The following CACNA2D1 variants were observed in gnomAD, a reference collection of about 807,000 sequenced individuals.
The protein encoded by CACNA2D1 is calcium voltage-gated channel auxiliary subunit alpha2delta 1.
In CACNA2D1, 53 loss-of-function variants were observed where a neutral mutation model predicts 171.5. That is an observed-to-expected ratio of 0.31 (90% CI 0.25 to 0.39). The LOEUF (loss-of-function observed/expected upper bound fraction) is 0.39. Among genes scored for constraint, CACNA2D1 ranks in the 10% least tolerant of loss-of-function variants. The pLI, the probability that CACNA2D1 is intolerant of heterozygous loss-of-function variation, is 1.00. For missense variants in CACNA2D1, 903 were observed against 1,299.8 expected (o/e 0.69, Z 4.69); for synonymous variants, 442 against 443.1 (o/e 1.00, Z 0.03).
intron 18 of CACNA2D1, among the ~76,000 whole-genome samples, chr7:82,003,857 T>G (rs1413853027): frequency 2.0e-5 from 3 of 151,718 alleles, no homozygotes; most frequent in African/African-American, 7.3e-5. Flanking sequence ...AGATTCTCCC[T>G]GACTCAGCCT....
rs1554495189 is a variant in CACNA2D1 at position 82,282,706 on chromosome 7, G to GGGA, written c.294+52428_294+52429insTCC. Among the ~76,000 whole-genome samples the GGGA allele has an allele frequency of 6.0e-5, 9 of 149,282 alleles. 1 individual carries two copies. Among genetic ancestry groups the GGGA allele is most frequent in the African/African-American group, 2.2e-4 (9 of 40,190 alleles). ...TGTGTAAATAAAATTGTAAAATGTG[G>GGGA]GGGGGGGAATCACAGAGGGTTATCT... is the stretch of plus-strand genomic sequence containing the variant. On this transcript the variant is annotated intron_variant, in intron 3 of 38. Coordinates refer to ENST00000356860, the MANE Select transcript of CACNA2D1 (RefSeq NM_000722.4).
intron 4 of CACNA2D1, among the ~76,000 whole-genome samples, chr7:82,145,842 T>A (rs1792973529): frequency 6.6e-6 from 1 of 151,214 alleles, no homozygotes; most frequent in South Asian, 2.1e-4. Context: ...ATAATCTACA[T>A]TAAAATATAA....
rs539015872 is a variant in CACNA2D1 at position 82,123,837 on chromosome 7, A to G, written c.397-6664T>C. Among the ~76,000 whole-genome samples, 4 of 152,326 alleles carry G rather than the reference A, an allele frequency of 2.6e-5. 1 individual carries two copies. Among genetic ancestry groups the G allele is most frequent in the African/African-American group, 9.6e-5 (4 of 41,570 alleles). On this transcript the variant is annotated intron_variant, in intron 5 of 38. Coordinates refer to ENST00000356860, the MANE Select transcript of CACNA2D1 (RefSeq NM_000722.4). ...TAGTAATAGCTAGTATATATTATAC[A>G]TACTTATTCTATACTAGGTAGTAAA... is the stretch of plus-strand genomic sequence containing the variant.
chr7:82,059,654 T>C (rs1000076540), intron 10 of CACNA2D1, among the ~76,000 whole-genome samples: 2 of 151,980 alleles, frequency 1.3e-5, no homozygotes, highest in East Asian at 3.9e-4. Context: ...TAACCAGGGA[T>C]AAATTCTTAG....
chr7:82,013,415 C>A, intron 14 of CACNA2D1, 46 bp downstream of exon 14: 1 of 858,508 alleles, frequency 1.2e-6, no homozygotes, highest in Non-Finnish European at 1.7e-6. Flanking sequence ...AGAAAAATAT[C>A]TTTTACTTGA....
chr7:82,442,447 T>C (rs1037665544), intron 1 of CACNA2D1, among the ~76,000 whole-genome samples: 1 of 152,208 alleles, frequency 6.6e-6, no homozygotes, highest in African/African-American at 2.4e-5. Flanking sequence ...GGATAGGCTA[T>C]TCGGTGCATT....
At chr7:82,257,663 G>T (rs1585241496) in intron 3 of CACNA2D1, among the ~76,000 whole-genome samples, 1 of 152,236 alleles carries the variant, frequency 6.6e-6, no homozygotes, top group South Asian at 2.1e-4. Context: ...CTCCTTTTGT[G>T]GTGTTATAAT....
intron 32 of CACNA2D1, among the ~76,000 whole-genome samples, chr7:81,964,745 T>C (rs895998934): frequency 7.9e-5 from 12 of 151,910 alleles, no homozygotes; most frequent in African/African-American, 2.9e-4. Context: ...CAGAGGACTG[T>C]AGTTAATAAT....
intron 4 of CACNA2D1, among the ~76,000 whole-genome samples, chr7:82,150,267 A>T (rs1563122759): frequency 1.2e-5 from 1 of 85,592 alleles, no homozygotes; most frequent in South Asian, 3.6e-4. Flanking sequence ...TAAAAAAAAA[A>T]AACAAAAACA....
At chr7:82,346,213 A>C (rs2129445484) in intron 2 of CACNA2D1, among the ~76,000 whole-genome samples, 1 of 152,280 alleles carries the variant, frequency 6.6e-6, no homozygotes, top group Non-Finnish European at 1.5e-5. Context: ...TAGATGGCTT[A>C]CCTCTCAACT....
chr7:82,139,760 T>C (rs1163905310), intron 4 of CACNA2D1, among the ~76,000 whole-genome samples: 4 of 151,492 alleles, frequency 2.6e-5, no homozygotes, highest in Admixed American at 1.3e-4. Context: ...TCCTTTCTTG[T>C]TACTAAGTAT....
chr7:82,399,519 GA>G lies in CACNA2D1; in HGVS notation c.95+43845del, dbSNP rs1206359841. The stretch of plus-strand genomic sequence containing the variant: ...TTTCACAAGATAGTAAAACAATTTA[GA>G]AAAAAAGTTCTTAACAATGATAAAA... On this transcript the variant is annotated intron_variant, in intron 1 of 38. Transcript: ENST00000356860. Among the ~76,000 whole-genome samples, 9 of 151,770 alleles carry G rather than the reference GA, an allele frequency of 5.9e-5. 1 individual carries two copies. Among genetic ancestry groups the G allele is most frequent in the South Asian group, 4.2e-4 (2 of 4,814 alleles).
At chr7:82,088,070 A>T (rs572684504) in intron 6 of CACNA2D1, among the ~76,000 whole-genome samples, 12 of 151,918 alleles carry the variant, frequency 7.9e-5, no homozygotes, top group Non-Finnish European at 1.6e-4. Context: ...GGTAGAGTTT[A>T]TTTAGGAAGT....
At chr7:82,234,517 CT>C (rs1454365247) in intron 3 of CACNA2D1, among the ~76,000 whole-genome samples, 4 of 152,004 alleles carry the variant, frequency 2.6e-5, no homozygotes, top group Admixed American at 6.6e-5. Flanking sequence ...CAACTGATGT[CT>C]TTATTGCCTC....
At chr7:82,354,020 T>C (rs747735858) in intron 1 of CACNA2D1, among the ~76,000 whole-genome samples, 33 of 151,986 alleles carry the variant, frequency 2.2e-4, no homozygotes, top group Admixed American at 1.7e-3. Context: ...TCTGACCTTC[T>C]CCCTCCCTTC....
At chr7:82,362,822 T>C (rs1350493674) in intron 1 of CACNA2D1, among the ~76,000 whole-genome samples, 1 of 152,228 alleles carries the variant, frequency 6.6e-6, no homozygotes, top group Admixed American at 6.5e-5. Context: ...TCATGGTCTT[T>C]TAGTCCAGTT....
At chr7:82,291,245 A>AAT (rs1253508961) in intron 3 of CACNA2D1, among the ~76,000 whole-genome samples, 1 of 141,640 alleles carries the variant, frequency 7.1e-6, no homozygotes, top group Non-Finnish European at 1.5e-5. Context: ...TTCTATATAT[A>AAT]ATATATATAC....
intron 4 of CACNA2D1, among the ~76,000 whole-genome samples, chr7:82,143,258 G>A (rs1191178195): frequency 2.0e-5 from 3 of 152,118 alleles, no homozygotes; most frequent in Admixed American, 6.6e-5. Context: ...CTGAACTGAA[G>A]ACGTGATAAA....
chr7:82,211,131 G>A (rs1800505122), intron 3 of CACNA2D1, among the ~76,000 whole-genome samples: 1 of 152,106 alleles, frequency 6.6e-6, no homozygotes, highest in African/African-American at 2.4e-5. Flanking sequence ...TTTTTATGGT[G>A]AGGCTCCTTC....
Sources: allele counts gnomAD v4.1 joint callset (sites outside exome capture counted in the v4.1 genomes callset), GRCh38; gene constraint gnomAD v4.1.1; transcripts MANE v1.5; gene names NCBI Gene and HGNC (gene_info 2026-07-23, HGNC 2026-07-21).